The following PALB2 variants were observed in gnomAD, a reference collection of about 807,000 sequenced individuals.
The protein encoded by PALB2 is mutant partner and localizer of BRCA2.
Under a neutral mutation model 107.4 loss-of-function variants are expected in PALB2, and 82 were observed. The ratio of observed to expected loss-of-function variants is 0.76; its 90% CI spans 0.64 to 0.92. PALB2 has a LOEUF of 0.92. Among genes scored for constraint, PALB2 ranks in the 40% least tolerant of loss-of-function variants. The probability of loss-of-function intolerance (pLI) is 0.00; values close to 1 mark genes in which losing one functional copy is unlikely to be tolerated. For missense variants in PALB2, 1,374 were observed against 1,379.9 expected (o/e 1.00, Z 0.07); for synonymous variants, 489 against 496.8 (o/e 0.98, Z 0.21).
Position 23,614,080 on chromosome 16 carries a change from G to A in PALB2, c.3125C>T (p.Thr1042Ile). The A allele has an allele frequency of 6.2e-7, 1 of 1,609,760 alleles. No homozygotes were observed. The highest frequency in any genetic ancestry group is 8.5e-7 in the Non-Finnish European group (1 of 1,176,314). ...MNNIVIWNLK[T>I]GQLLKKMHID... ...GTGCATCTTTTTCAGGAGTTGACCA[G>A]TTTTTAAATTCCTTAGATAACAAAA... Residue 1042 changes from threonine (T) to isoleucine (I), a missense_variant, in exon 11 of 13, where the codon ACT (threonine) becomes ATT (isoleucine). Transcript: ENST00000261584.
intron 11 of PALB2, among the ~76,000 whole-genome samples, chr16:23,611,184 G>A (rs1017066267): frequency 7.3e-5 from 11 of 151,592 alleles, no homozygotes; most frequent in African/African-American, 2.4e-4. Context: ...TTCCTCTGTC[G>A]CCCAGGCTAG....
At chr16:23,622,216 A>T (rs368390513) in intron 9 of PALB2, among the ~76,000 whole-genome samples, 1 of 152,210 alleles carries the variant, frequency 6.6e-6, no homozygotes, top group South Asian at 2.1e-4. Flanking sequence ...GGTGTCCCCA[A>T]TACGTCTAAT....
chr16:23,628,292 T>C (rs1966850924), intron 6 of PALB2, among the ~76,000 whole-genome samples: 1 of 152,178 alleles, frequency 6.6e-6, no homozygotes, highest in South Asian at 2.1e-4. Flanking sequence ...AGCATAGGTA[T>C]TACTATGCAT....
Position 23,635,630 on chromosome 16 carries a change from T to C in PALB2, c.916A>G (p.Asn306Asp), listed in dbSNP as rs2142431094. Reference protein sequence around the residue: ...MTVSTDNLLVNKAISKSGQLP... With the variant: ...MTVSTDNLLVDKAISKSGQLP... ...TGGCCACTTTTACTTATAGCTTTAT[T>C]TACAAGGAGGTTATCTGTAGAGACA... The change falls in exon 4 of 13, where the codon AAT becomes GAT. Residue 306 changes from asparagine (N) to aspartate (D), a missense_variant. Transcript: ENST00000261584. 2 of 1,614,160 alleles carry C rather than the reference T, an allele frequency of 1.2e-6. No homozygotes were observed. Among genetic ancestry groups the C allele is most frequent in the South Asian group, 1.1e-5 (1 of 91,080 alleles).
At chr16:23,637,126 T>C (rs780434223) in intron 3 of PALB2, among the ~76,000 whole-genome samples, 5 of 152,026 alleles carry the variant, frequency 3.3e-5, no homozygotes, top group Non-Finnish European at 7.4e-5. Flanking sequence ...TGTGCGCCTG[T>C]AGTCCCAGGT....
intron 10 of PALB2, among the ~76,000 whole-genome samples, chr16:23,615,451 C>T (rs879653033): frequency 4.0e-5 from 6 of 151,840 alleles, no homozygotes; most frequent in African/African-American, 1.5e-4. Context: ...ACTACAGCTG[C>T]ATGCCACCAT....
chr16:23,638,832 CTGAA>C (rs1342849089), intron 1 of PALB2, among the ~76,000 whole-genome samples: 2 of 152,122 alleles, frequency 1.3e-5, no homozygotes, highest in African/African-American at 4.8e-5. Flanking sequence ...GAGCCTAAGA[CTGAA>C]TGAGGAAGGA....
At chr16:23,615,734 G>A (rs564218676) in intron 10 of PALB2, among the ~76,000 whole-genome samples, 227 of 151,818 alleles carry the variant, frequency 1.5e-3, no homozygotes, top group Non-Finnish European at 2.8e-3. Flanking sequence ...GCACAGCCTC[G>A]GCTCACTGCA....
rs1192734360 is a variant in PALB2, at chr16:23,629,626, G to T, written c.2514+14C>A. 2 of 1,611,452 alleles carry T rather than the reference G, an allele frequency of 1.2e-6. No homozygotes were observed. Among genetic ancestry groups the T allele is most frequent in the African/African-American group, 2.7e-5 (2 of 74,878 alleles). The stretch of plus-strand genomic sequence containing the variant: ...TTCCTTCAGAGAAAATTTCACAGAG[G>T]AAATGGATTGTACCTGTTCGACGGA... On this transcript the variant is annotated intron_variant, in intron 5 of 12. Coordinates refer to ENST00000261584, the MANE Select transcript of PALB2 (RefSeq NM_024675.4).
chr16:23,626,431 A>C (rs1421110871), intron 6 of PALB2, 34 bp from the exon 7 acceptor site: 3 of 1,613,196 alleles, frequency 1.9e-6, no homozygotes, highest in Non-Finnish European at 2.5e-6. Context: ...TTAAAGTGGC[A>C]CTCGAGTGCT....
chr16:23,640,158 G>C (rs1490377317), intron 1 of PALB2: 2 of 170,028 alleles, frequency 1.2e-5, no homozygotes, highest in Non-Finnish European at 2.6e-5. Flanking sequence ...CCCAAAGTGC[G>C]GGGATTACAG....
rs556490497 is a variant in PALB2 at position 23,641,202 on chromosome 16, G to A, written c.-45C>T. ...AAAGAGCAGCCGTCGCCGACCCCAG[G>A]CCTGCCGACACCGGGACCCAGTTGG... On this transcript the variant is annotated 5_prime_UTR_variant, in exon 1 of 13. Transcript: ENST00000261584. 3.1e-6 allele frequency: 5 copies of A among 1,601,628 alleles called. No individual in the cohort carries two copies. Among genetic ancestry groups the A allele is most frequent in the Admixed American group, 3.4e-5 (2 of 58,488 alleles).
chr16:23,603,439 T>G lies in PALB2; in HGVS notation c.*20A>C, dbSNP rs2142250395. 1.9e-6 allele frequency: 3 copies of G among 1,588,748 alleles called. No individual in the cohort carries two copies. The highest frequency in any genetic ancestry group is 2.6e-6 in the Non-Finnish European group (3 of 1,157,182). On this transcript the variant is annotated 3_prime_UTR_variant, in exon 13 of 13. Transcript: ENST00000261584. ...GAGGCCCAATATATCCAGAAAATTG[T>G]GTTTTCACTTTACCCTAACTTATGA...
intron 6 of PALB2, among the ~76,000 whole-genome samples, chr16:23,626,615 T>A (rs781597293): frequency 2.6e-5 from 4 of 152,142 alleles, no homozygotes; most frequent in Non-Finnish European, 4.4e-5. Context: ...ATTTATTTTA[T>A]TAATTTTAAT....
intron 6 of PALB2, 104 bp downstream of exon 6, chr16:23,629,100 T>G (rs181196253): frequency 4.6e-6 from 4 of 877,968 alleles, no homozygotes; most frequent in African/African-American, 1.7e-5. Flanking sequence ...ACCAATATCT[T>G]TAATAGTATT....
In PALB2 at chr16:23,641,205, T is replaced by C. The variant is rs1271474783; in HGVS notation, c.-48A>G. On this transcript the variant is annotated 5_prime_UTR_variant, in exon 1 of 13. Coordinates refer to ENST00000261584, the MANE Select transcript of PALB2 (RefSeq NM_024675.4). ...GAGCAGCCGTCGCCGACCCCAGGCC[T>C]GCCGACACCGGGACCCAGTTGGCCC... The C allele has an allele frequency of 1.3e-6, 2 of 1,599,344 alleles. No homozygotes were observed. Among genetic ancestry groups the C allele is most frequent in the Non-Finnish European group, 1.7e-6 (2 of 1,173,522 alleles).
chr16:23,623,429 C>A lies in PALB2; in HGVS notation c.2835-299G>T, dbSNP rs12926135. On this transcript the variant is annotated intron_variant, in intron 8 of 12. Coordinates refer to ENST00000261584, the MANE Select transcript of PALB2 (RefSeq NM_024675.4). ...ATGTTGGTCAGGCTGGTCTCGAACTCCTGACCTCGTGATCCACCTGCCTCG... is the reference window on the plus strand; with the variant it reads ...ATGTTGGTCAGGCTGGTCTCGAACTACTGACCTCGTGATCCACCTGCCTCG... Among the ~76,000 whole-genome samples the A allele has an allele frequency of 0.29, 44,166 of 149,802 alleles. 8,028 individuals are homozygous for A. Among genetic ancestry groups the A allele is most frequent in the Non-Finnish European group, 0.4 (26,762 of 67,532 alleles).
At chr16:23,640,610 ATGTCC>A (rs770890995) in intron 1 of PALB2, 2 of 233,964 alleles carry the variant, frequency 8.5e-6, no homozygotes, top group Non-Finnish European at 1.7e-5. Flanking sequence ...GTAGATAAAC[ATGTCC>A]TGACAGGAAA....
intron 10 of PALB2, among the ~76,000 whole-genome samples, chr16:23,616,664 C>T (rs962638354): frequency 7.2e-5 from 11 of 152,048 alleles, no homozygotes; most frequent in Admixed American, 3.3e-4. Context: ...TAAGTAGAGA[C>T]CCAGATACCT....
Sources: gnomAD v4.1 joint callset for allele counts (sites outside exome capture counted in the v4.1 genomes callset) on GRCh38, gnomAD v4.1.1 for gene constraint, MANE v1.5 for transcripts, NCBI Gene and HGNC (gene_info 2026-07-23, HGNC 2026-07-21) for gene names.